GALNT13: variants seen among roughly 807,000 people sequenced by gnomAD.
GALNT13 encodes the protein UDP-GalNAc:polypeptide N-acetylgalactosaminyltransferase 13.
In GALNT13, 28 loss-of-function variants were observed where a neutral mutation model predicts 64.2. The observed-to-expected ratio is 0.44, with a 90% confidence interval of 0.32 to 0.60. The LOEUF (loss-of-function observed/expected upper bound fraction) is 0.60. Ranked by LOEUF, GALNT13 falls within the 20% of genes least tolerant of loss-of-function variation. The probability of loss-of-function intolerance (pLI) is 0.05; values close to 1 mark genes in which losing one functional copy is unlikely to be tolerated. For synonymous variants in GALNT13, 214 were observed against 224.6 expected, an observed-to-expected ratio of 0.95 and a Z score of 0.42; for missense variants, 577 against 669.8, an observed-to-expected ratio of 0.86 and a Z score of 1.53.
chr2:154,152,336 C>T (rs1303993636), intron 4 of GALNT13, among the ~76,000 whole-genome samples: 2 of 151,996 alleles, frequency 1.3e-5, no homozygotes, highest in Non-Finnish European at 2.9e-5. Flanking sequence ...GTGGGTAACC[C>T]GACCTTTCTC....
At chr2:153,915,883 C>G (rs1194345450) in intron 2 of GALNT13, among the ~76,000 whole-genome samples, 3 of 152,116 alleles carry the variant, frequency 2.0e-5, no homozygotes, top group Non-Finnish European at 4.4e-5. Flanking sequence ...GAAACTCTTT[C>G]TTATATTTTC....
At chr2:153,598,353 C>T in the GALNT13 span, among the ~76,000 whole-genome samples, 2 of 151,854 alleles carry the variant, frequency 1.3e-5, no homozygotes, top group Admixed American at 6.6e-5. Flanking sequence ...TTACATTTCC[C>T]CTTCTTCAAA....
intron 4 of GALNT13, among the ~76,000 whole-genome samples, chr2:154,148,128 A>G (rs1465117946): frequency 1.3e-5 from 2 of 150,572 alleles, no homozygotes; most frequent in East Asian, 3.9e-4. Flanking sequence ...TTCTGTGTCC[A>G]TGTGTTCTCA....
chr2:153,723,407 CCT>C, the GALNT13 span, among the ~76,000 whole-genome samples: 1 of 149,872 alleles, frequency 6.7e-6, no homozygotes, highest in Non-Finnish European at 1.5e-5. Flanking sequence ...ACAGGGATGC[CCT>C]CTCTCACCGC....
At chr2:153,322,338 T>C in the GALNT13 span, among the ~76,000 whole-genome samples, 1 of 152,134 alleles carries the variant, frequency 6.6e-6, no homozygotes. Context: ...GCAAAGGGCA[T>C]GATTTTGTTC....
chr2:153,805,125 G>A, the GALNT13 span, among the ~76,000 whole-genome samples: 17 of 151,840 alleles, frequency 1.1e-4, no homozygotes, highest in African/African-American at 3.6e-4. Context: ...ATATTAAAAT[G>A]AGAAAAATTT....
At chr2:154,441,235 G>C (rs1346545257) in intron 12 of GALNT13, among the ~76,000 whole-genome samples, 1 of 152,088 alleles carries the variant, frequency 6.6e-6, no homozygotes, top group Non-Finnish European at 1.5e-5. Flanking sequence ...AAAATGGCAA[G>C]GCCTCCAGAG....
chr2:153,891,631 A>C (rs1401652796), intron 1 of GALNT13, among the ~76,000 whole-genome samples: 1 of 152,038 alleles, frequency 6.6e-6, no homozygotes, highest in Admixed American at 6.6e-5. Context: ...GTTGTGCTTA[A>C]TCTAAACCCA....
At chr2:153,277,687 C>G in the GALNT13 span, among the ~76,000 whole-genome samples, 1 of 151,890 alleles carries the variant, frequency 6.6e-6, no homozygotes, top group South Asian at 2.1e-4. Flanking sequence ...TAAGGATTTC[C>G]TTTTCTCAGC....
At chr2:153,869,507 T>G (rs1685814556), upstream of GALNT13, among the ~76,000 whole-genome samples, 1 of 152,164 alleles carries the variant, frequency 6.6e-6, no homozygotes, top group Admixed American at 6.5e-5. Flanking sequence ...ATTTAAGGCT[T>G]TCTTTGCTTT....
intron 3 of GALNT13, among the ~76,000 whole-genome samples, chr2:153,955,193 G>A (rs577188440): frequency 4.2e-4 from 64 of 152,224 alleles, no homozygotes; most frequent in African/African-American, 1.4e-3. Flanking sequence ...GAAAGCAATA[G>A]TGAAACACCA....
intron 9 of GALNT13, among the ~76,000 whole-genome samples, chr2:154,349,435 T>C (rs982613202): frequency 3.3e-5 from 5 of 152,192 alleles, no homozygotes; most frequent in Non-Finnish European, 7.4e-5. Context: ...AAAATATAAA[T>C]GAACAAGCTA....
At chr2:154,301,859 T>C (rs1362568052) in intron 9 of GALNT13, among the ~76,000 whole-genome samples, 1 of 152,066 alleles carries the variant, frequency 6.6e-6, no homozygotes, top group Admixed American at 6.6e-5. Flanking sequence ...GAGAGATCTA[T>C]ATTTATTATT....
chr2:153,407,214 C>G, the GALNT13 span, among the ~76,000 whole-genome samples: 1 of 152,092 alleles, frequency 6.6e-6, no homozygotes, highest in East Asian at 1.9e-4. Context: ...CCTCCAGAAA[C>G]AGAAACTCAG....
the GALNT13 span, among the ~76,000 whole-genome samples, chr2:153,361,338 C>T: frequency 0.016 from 2,406 of 152,090 alleles, 28 homozygotes; most frequent in Non-Finnish European, 0.027. Flanking sequence ...ACCTCTCCAG[C>T]GAGGGCACAG....
Position 153,932,714 on chromosome 2 carries a change from G to A in GALNT13, c.-104-11680G>A, listed in dbSNP as rs542737219. Among the ~76,000 whole-genome samples, 5 of 140,160 alleles carry A rather than the reference G, an allele frequency of 3.6e-5. No homozygotes were observed. The East Asian group carries it at 8.9e-4, about 25-fold the overall frequency. 92.0% of individuals were successfully genotyped at this position (140,160 alleles called of 152,430 possible). A position where few individuals can be genotyped will look rare whatever the true frequency, so the allele number is the denominator to read the frequency against. ...GCAATCTTGGCTCGCTGTAACCTCC[G>A]CCTCCTGGGTTCAAGCGATTCTCCT... On this transcript the variant is annotated intron_variant, in intron 2 of 12. Coordinates refer to ENST00000392825, the MANE Select transcript of GALNT13 (RefSeq NM_052917.4).
the GALNT13 span, among the ~76,000 whole-genome samples, chr2:153,491,996 A>C: frequency 2.0e-5 from 3 of 152,228 alleles, no homozygotes; most frequent in East Asian, 5.8e-4. Context: ...GAAACTGTTT[A>C]TAAAATACTA....
the GALNT13 span, among the ~76,000 whole-genome samples, chr2:153,373,394 G>A: frequency 6.6e-6 from 1 of 152,208 alleles, no homozygotes; most frequent in East Asian, 1.9e-4. Context: ...AAACTGGAAA[G>A]CTGAGCTTTT....
chr2:153,478,455 G>T, the GALNT13 span: 1 of 1,613,776 alleles, frequency 6.2e-7, no homozygotes, highest in Non-Finnish European at 8.5e-7. Flanking sequence ...AGCCGTCGTC[G>T]GTCACCACGG....
Sources: allele counts gnomAD v4.1 joint callset (sites outside exome capture counted in the v4.1 genomes callset), GRCh38; gene constraint gnomAD v4.1.1; transcripts MANE v1.5; gene names NCBI Gene and HGNC (gene_info 2026-07-23, HGNC 2026-07-21).